ZNF282: variants seen among roughly 807,000 people sequenced by gnomAD.
The protein encoded by ZNF282 is HTLV-I U5 repressive element-binding protein 1.
A neutral mutation model predicts 61.9 loss-of-function variants in ZNF282; 30 were observed. The observed-to-expected ratio is 0.48, with a 90% CI of 0.36 to 0.66. The LOEUF (loss-of-function observed/expected upper bound fraction) is 0.66. Among genes scored for constraint, ZNF282 ranks in the 30% least tolerant of loss-of-function variants. The probability of loss-of-function intolerance (pLI) is 0.00; values close to 1 mark genes in which losing one functional copy is unlikely to be tolerated. For missense variants in ZNF282, 788 were observed against 941.4 expected (o/e 0.84, Z 2.13); for synonymous variants, 396 against 405.0 (o/e 0.98, Z 0.27).
Position 149,226,193 on chromosome 7 carries a change from TG to T in ZNF282, c.*1551del. 1 of 152,774 alleles carries T rather than the reference TG, an allele frequency of 6.5e-6. No individual in the cohort carries two copies. The highest frequency in any genetic ancestry group is 2.4e-5 in the African/African-American group (1 of 41,578). The allele number at this position is 152,774 out of a possible 1,614,324, so 9.5% of individuals were successfully genotyped here. The stretch of plus-strand genomic sequence containing the variant: ...ATTGCAGACTGCATGTTCACAGAGC[TG>T]GGGGTTCTCCAGCTTGCCTACAGTA... On this transcript the variant is annotated 3_prime_UTR_variant, in exon 8 of 8. Coordinates refer to ENST00000610704, the MANE Select transcript of ZNF282 (RefSeq NM_003575.4).
chr7:149,207,490 G>T lies in ZNF282; in HGVS notation c.832+20G>T. ...AAGCAGGTGATGGCAGCAGAAGAGA[G>T]TGCGGGGTCCAGGGAAGGGCGAGAG... On this transcript the variant is annotated intron_variant, in intron 4 of 7. Coordinates refer to ENST00000610704, the MANE Select transcript of ZNF282 (RefSeq NM_003575.4). 1 of 1,557,038 alleles carries T rather than the reference G, an allele frequency of 6.4e-7. No individual in the cohort carries two copies. Among genetic ancestry groups the T allele is most frequent in the South Asian group, 1.2e-5 (1 of 84,444 alleles).
At chr7:149,197,552 A>G (rs1795838475) in intron 1 of ZNF282, among the ~76,000 whole-genome samples, 1 of 152,110 alleles carries the variant, frequency 6.6e-6, no homozygotes, top group African/African-American at 2.4e-5. Context: ...GGCTCACTGC[A>G]ACCTCCGCTT....
intron 4 of ZNF282, 124 bp downstream of exon 4, chr7:149,207,594 C>T: frequency 7.1e-7 from 1 of 1,413,576 alleles, no homozygotes; most frequent in Non-Finnish European, 9.4e-7. Context: ...TTGGGTGGCT[C>T]CCAGGGGCCA....
chr7:149,202,057 C>G (rs956859185), intron 2 of ZNF282, among the ~76,000 whole-genome samples: 2 of 152,094 alleles, frequency 1.3e-5, no homozygotes, highest in African/African-American at 2.4e-5. Context: ...ATGAAAGAAC[C>G]ACGTCCCCCA....
chr7:149,207,355 G>T lies in ZNF282; in HGVS notation c.717G>T (p.Ala239=). Residue 239 remains alanine (A), a synonymous_variant, in exon 4 of 8, where the codon GCG becomes GCT. Coordinates refer to ENST00000610704, the MANE Select transcript of ZNF282 (RefSeq NM_003575.4). ...CTCCCTCCTCCTCACTTCCAGACGCGGAGGGCTCAGTCCCCAAGCCAGATG... is the reference window on the plus strand; with the variant it reads ...CTCCCTCCTCCTCACTTCCAGACGCTGAGGGCTCAGTCCCCAAGCCAGATG... ...ENYKTLMSLD[A]EGSVPKPDAP... 1 of 1,587,524 alleles carries T rather than the reference G, an allele frequency of 6.3e-7. No individual in the cohort carries two copies. The highest frequency in any genetic ancestry group is 1.3e-5 in the African/African-American group (1 of 74,364).
Position 149,198,272 on chromosome 7 carries a change from T to C in ZNF282, c.166-61T>C. On this transcript the variant is annotated intron_variant, in intron 1 of 7. Coordinates refer to ENST00000610704, the MANE Select transcript of ZNF282 (RefSeq NM_003575.4). The surrounding 1 kb of genome is among the most constrained non-coding windows in gnomAD (Gnocchi z 4.3). ...TGATTAGTTGACCCCTGTTCCCAGC[T>C]GACTTCCCCGGCTCACACAAGGTCT... 6.5e-7 allele frequency: 1 copy of C among 1,529,794 alleles called. No homozygotes were observed. The highest frequency in any genetic ancestry group is 2.1e-5 in the Admixed American group (1 of 48,506). The allele number at this position is 1,529,794 out of a possible 1,614,324, so 94.8% of individuals were successfully genotyped here.
At chr7:149,217,923 T>A (rs1436333243) in intron 7 of ZNF282, among the ~76,000 whole-genome samples, 1 of 151,244 alleles carries the variant, frequency 6.6e-6, no homozygotes, top group Non-Finnish European at 1.5e-5. Context: ...ATGGGCCAAG[T>A]TAGAGTTTGG....
intron 7 of ZNF282, among the ~76,000 whole-genome samples, chr7:149,216,671 A>T (rs974706686): frequency 1.3e-5 from 2 of 152,156 alleles, no homozygotes; most frequent in African/African-American, 4.8e-5. Context: ...CCATGCTATT[A>T]TGTGGAAGAG....
intron 7 of ZNF282, among the ~76,000 whole-genome samples, chr7:149,220,695 C>T (rs139143272): frequency 1.7e-3 from 259 of 151,818 alleles, no homozygotes; most frequent in African/African-American, 5.7e-3. Flanking sequence ...AGCCTCCCAG[C>T]AAACTTCCCA....
Position 149,224,668 on chromosome 7 carries a change from G to C in ZNF282, c.*21G>C. ...ACTAGGGCTGGGCTGGGGGAGGGCA[G>C]GGCCGGACGGAGTGGATCGGGGGCG... On this transcript the variant is annotated 3_prime_UTR_variant, in exon 8 of 8. Coordinates refer to ENST00000610704, the MANE Select transcript of ZNF282 (RefSeq NM_003575.4). 6.8e-7 allele frequency: 1 copy of C among 1,479,646 alleles called. No individual in the cohort carries two copies. The highest frequency in any genetic ancestry group is 8.9e-7 in the Non-Finnish European group (1 of 1,119,030). The allele number at this position is 1,479,646 out of a possible 1,614,324, so 91.7% of individuals were successfully genotyped here. A position where few individuals can be genotyped will look rare whatever the true frequency, so the allele number is the denominator to read the frequency against.
intron 7 of ZNF282, among the ~76,000 whole-genome samples, chr7:149,216,292 G>A (rs1796160230): frequency 6.6e-6 from 1 of 152,018 alleles, no homozygotes; most frequent in South Asian, 2.1e-4. Flanking sequence ...GTAGAGATAG[G>A]GTCTTGCTAT....
intron 7 of ZNF282, among the ~76,000 whole-genome samples, chr7:149,217,180 T>A (rs1039707003): frequency 1.1e-4 from 17 of 151,292 alleles, no homozygotes; most frequent in Non-Finnish European, 2.5e-4. Context: ...TAGTTTATAT[T>A]TTTTTTAGCA....
chr7:149,221,829 G>A (rs958154190), intron 7 of ZNF282, among the ~76,000 whole-genome samples: 3 of 152,084 alleles, frequency 2.0e-5, no homozygotes, highest in Non-Finnish European at 2.9e-5. Context: ...AATATAGGAG[G>A]GCTGGGTGGA....
chr7:149,199,474 G>A (rs1200055337), intron 2 of ZNF282, among the ~76,000 whole-genome samples: 1 of 151,846 alleles, frequency 6.6e-6, no homozygotes, highest in Non-Finnish European at 1.5e-5. Context: ...CCTCTGCTGG[G>A]CTATTCCCAC....
Position 149,195,708 on chromosome 7 carries a change from A to G in ZNF282, c.119A>G (p.Glu40Gly), listed in dbSNP as rs1473525473. ...ALPPEEVCHQ[E>G]PALRGEMAEG... ...CCCCCGGAGGAGGTCTGCCACCAGG[A>G]GCCGGCGCTGCGCGGGGAAATGGCC... The change falls in exon 1 of 8, where the codon GAG becomes GGG. Residue 40 changes from glutamate to glycine, a missense_variant. By Grantham distance (98) the Glu-to-Gly change is moderately conservative (BLOSUM62 -2). Coordinates refer to ENST00000610704, the MANE Select transcript of ZNF282 (RefSeq NM_003575.4). 3 of 1,555,528 alleles carry G rather than the reference A, an allele frequency of 1.9e-6. No individual in the cohort carries two copies. The highest frequency in any genetic ancestry group is 2.6e-6 in the Non-Finnish European group (3 of 1,152,502).
chr7:149,224,145 G>A lies in ZNF282; in HGVS notation c.1514G>A (p.Arg505Gln). ...GCGSCCPGGL[R>Q]RSLLLHGARS... is the part of the protein sequence containing the mutation. Reference sequence around the variant, plus strand: ...GGCAGCTGCTGCCCTGGCGGGCTGCGGCGGAGCCTCCTCCTGCACGGCGCC... The same window carrying A: ...GGCAGCTGCTGCCCTGGCGGGCTGCAGCGGAGCCTCCTCCTGCACGGCGCC... The change falls in exon 8 of 8, where the codon CGG becomes CAG. Residue 505 changes from arginine to glutamine, a missense_variant. Physicochemically the swap from Arg to Gln is conservative, Grantham distance 43 (BLOSUM62 1). This residue lies in a region of ZNF282 where 559 missense variants were observed against 642.0 expected (regional missense o/e 0.87). Transcript: ENST00000610704. 4.6e-6 allele frequency: 7 copies of A among 1,506,752 alleles called. No individual in the cohort carries two copies. The highest frequency in any genetic ancestry group is 6.2e-6 in the Non-Finnish European group (7 of 1,133,090). 93.3% of individuals were successfully genotyped at this position (1,506,752 alleles called of 1,614,324 possible).
chr7:149,197,141 C>G, intron 1 of ZNF282, among the ~76,000 whole-genome samples: 1 of 152,238 alleles, frequency 6.6e-6, no homozygotes, highest in East Asian at 1.9e-4. Flanking sequence ...TAGGTCTCAG[C>G]TCTCAATTGC....
chr7:149,210,513 C>G (rs1228049181), intron 4 of ZNF282, 72 bp from the exon 5 acceptor site: 1 of 1,582,204 alleles, frequency 6.3e-7, no homozygotes, highest in African/African-American at 1.3e-5. Context: ...ATGTCATTCT[C>G]TGTTCCCAGG....
At chr7:149,215,241 C>T (rs370805069) in intron 7 of ZNF282, among the ~76,000 whole-genome samples, 22 of 147,246 alleles carry the variant, frequency 1.5e-4, no homozygotes, top group African/African-American at 5.0e-4. Flanking sequence ...CTCACTCTGC[C>T]GCCCAGGCTG....
Sources: allele counts gnomAD v4.1 joint callset (sites outside exome capture counted in the v4.1 genomes callset), GRCh38; gene constraint gnomAD v4.1.1; regional missense constraint gnomAD v4.1.1; non-coding constraint Gnocchi (gnomAD v3.1); transcripts MANE v1.5; gene names NCBI Gene and HGNC (gene_info 2026-07-23, HGNC 2026-07-21).